The following GRIK4 variants were observed in gnomAD, a reference collection of about 807,000 sequenced individuals.
GRIK4 encodes the protein glutamate ionotropic receptor kainate type subunit 4.
In GRIK4, 40 loss-of-function variants were observed where a neutral mutation model predicts 104.9. The observed-to-expected ratio is 0.38, with a 90% CI of 0.30 to 0.50. The LOEUF (loss-of-function observed/expected upper bound fraction) is 0.50. Ranked by LOEUF, GRIK4 falls within the 20% of genes least tolerant of loss-of-function variation. GRIK4 has a pLI of 0.93. For synonymous variants in GRIK4, 485 were observed against 524.9 expected (o/e 0.92, Z 1.04); for missense variants, 1,047 against 1,308.1 (o/e 0.80, Z 3.08).
intron 6 of GRIK4, among the ~76,000 whole-genome samples, chr11:120,822,525 C>T (rs1477011897): frequency 6.6e-6 from 1 of 152,178 alleles, no homozygotes; most frequent in Non-Finnish European, 1.5e-5. Context: ...TAGCCACAAG[C>T]CACGTATGGC....
intron 13 of GRIK4, among the ~76,000 whole-genome samples, chr11:120,910,062 C>T (rs373452134): frequency 6.6e-6 from 1 of 152,152 alleles, no homozygotes; most frequent in African/African-American, 2.4e-5. Flanking sequence ...TGAGTCAGGC[C>T]TCTGGTGCCT....
At chr11:120,563,742 T>G (rs1316752239) in intron 1 of GRIK4, among the ~76,000 whole-genome samples, 1 of 152,134 alleles carries the variant, frequency 6.6e-6, no homozygotes, top group East Asian at 1.9e-4. Flanking sequence ...TGGCTCTGAA[T>G]TCCCCTCCAC....
intron 1 of GRIK4, among the ~76,000 whole-genome samples, chr11:120,557,882 G>A (rs1591692954): frequency 6.6e-6 from 1 of 152,246 alleles, no homozygotes; most frequent in South Asian, 2.1e-4. Flanking sequence ...GCTGGGCGCG[G>A]TGGCGGGCGC....
intron 3 of GRIK4, among the ~76,000 whole-genome samples, chr11:120,670,621 C>T (rs919909366): frequency 6.6e-6 from 1 of 152,246 alleles, no homozygotes; most frequent in Non-Finnish European, 1.5e-5. Flanking sequence ...TTTCTCATGC[C>T]ATGCAGGTCA....
intron 6 of GRIK4, among the ~76,000 whole-genome samples, chr11:120,825,857 C>G (rs1311901930): frequency 6.6e-6 from 1 of 152,210 alleles, no homozygotes; most frequent in African/African-American, 2.4e-5. Context: ...TGCAACTCTG[C>G]TTATGGCAGT....
intron 1 of GRIK4, among the ~76,000 whole-genome samples, chr11:120,627,464 T>A (rs1230930000): frequency 6.6e-6 from 1 of 152,194 alleles, no homozygotes; most frequent in Non-Finnish European, 1.5e-5. Flanking sequence ...TCTCTGCATG[T>A]GGCAGGTGGG....
rs1433969430 is a variant in GRIK4 at position 120,824,540 on chromosome 11, T to TTTTTTTTA, written c.511+4627_511+4628insATTTTTTT. Among the ~76,000 whole-genome samples the TTTTTTTTA allele has an allele frequency of 2.2e-3, 327 of 150,658 alleles. 2 individuals carry two copies. Among genetic ancestry groups the TTTTTTTTA allele is most frequent in the Middle Eastern group, 3.5e-3 (1 of 284 alleles). On this transcript the variant is annotated intron_variant, in intron 6 of 20. Coordinates refer to ENST00000527524, the MANE Select transcript of GRIK4 (RefSeq NM_014619.5). Reference sequence around the variant, plus strand: ...TCAAATCTTATTTTTTTTCCTTCTTTTTTTTTTCTTTTCTTTTTTTTTTTT... The same window carrying TTTTTTTTA: ...TCAAATCTTATTTTTTTTCCTTCTTTTTTTTTTATTTTTTTCTTTTCTTTTTTTTTTTT...
At chr11:120,969,295 G>A (rs1944435335) in intron 19 of GRIK4, among the ~76,000 whole-genome samples, 1 of 152,182 alleles carries the variant, frequency 6.6e-6, no homozygotes, top group South Asian at 2.1e-4. Context: ...AGAAAAAAGT[G>A]TCAAGGCACT....
At chr11:120,806,348 G>T (rs897913263) in intron 4 of GRIK4, among the ~76,000 whole-genome samples, 3 of 152,154 alleles carry the variant, frequency 2.0e-5, no homozygotes, top group African/African-American at 7.2e-5. Context: ...TTCTGGGCTT[G>T]ATGCATCTGA....
rs769381551 is a variant in GRIK4, at chr11:120,898,648, GCT to G, written c.1272+13_1272+14del. On this transcript the variant is annotated intron_variant, in intron 12 of 20. Coordinates refer to ENST00000527524, the MANE Select transcript of GRIK4 (RefSeq NM_014619.5). The stretch of plus-strand genomic sequence containing the variant: ...TCGTCACCACCATCCTGGTAAGTGG[GCT>G]CTCCTAGGCTCCCAGCTGCAGCATC... 6.8e-7 allele frequency: 1 copy of G among 1,460,956 alleles called. No individual in the cohort carries two copies. Among genetic ancestry groups the G allele is most frequent in the Non-Finnish European group, 9.6e-7 (1 of 1,040,074 alleles). The allele number at this position is 1,460,956 out of a possible 1,614,324, so 90.5% of individuals were successfully genotyped here.
At chr11:120,614,702 A>T (rs561665864) in intron 1 of GRIK4, among the ~76,000 whole-genome samples, 1 of 152,302 alleles carries the variant, frequency 6.6e-6, no homozygotes, top group East Asian at 1.9e-4. Context: ...GATCTGATTT[A>T]TTAAAACTGT....
chr11:120,731,862 CT>C (rs1234660367), intron 3 of GRIK4, among the ~76,000 whole-genome samples: 5 of 152,156 alleles, frequency 3.3e-5, no homozygotes, highest in African/African-American at 1.2e-4. Context: ...ATAGTAGCCA[CT>C]AATGATCCTT....
intron 1 of GRIK4, among the ~76,000 whole-genome samples, chr11:120,599,605 A>T (rs902779265): frequency 1.3e-5 from 2 of 152,178 alleles, no homozygotes; most frequent in Admixed American, 6.5e-5. Flanking sequence ...TCAGCCCCCT[A>T]GCCTCCCTCT....
intron 3 of GRIK4, among the ~76,000 whole-genome samples, chr11:120,709,267 C>G (rs2135349536): frequency 6.6e-6 from 1 of 151,984 alleles, no homozygotes; most frequent in African/African-American, 2.4e-5. Flanking sequence ...AATGCTCATT[C>G]TAGATCTAGT....
intron 1 of GRIK4, among the ~76,000 whole-genome samples, chr11:120,640,335 A>G (rs1029775204): frequency 6.6e-6 from 1 of 152,178 alleles, no homozygotes; most frequent in Non-Finnish European, 1.5e-5. Flanking sequence ...GTGTCAATGG[A>G]CAGAAAATTC....
At chr11:120,683,503 T>A (rs146406555) in intron 3 of GRIK4, among the ~76,000 whole-genome samples, 151 of 152,216 alleles carry the variant, frequency 9.9e-4, no homozygotes, top group African/African-American at 3.2e-3. Context: ...CATAAGATAT[T>A]AGAAGAAGAG....
intron 3 of GRIK4, among the ~76,000 whole-genome samples, chr11:120,777,691 C>CT (rs1168479769): frequency 6.6e-6 from 1 of 152,206 alleles, no homozygotes; most frequent in African/African-American, 2.4e-5. Context: ...AATCCCAGCA[C>CT]TTTGGGAGGC....
At chr11:120,670,077 TG>T (rs1949988999) in intron 3 of GRIK4, among the ~76,000 whole-genome samples, 1 of 152,242 alleles carries the variant, frequency 6.6e-6, no homozygotes, top group Admixed American at 6.5e-5. Context: ...GAGTCATCCT[TG>T]GTCTCATCTT....
chr11:120,713,386 GC>G (rs1379821539), intron 3 of GRIK4, among the ~76,000 whole-genome samples: 1 of 152,250 alleles, frequency 6.6e-6, no homozygotes, highest in East Asian at 1.9e-4. Context: ...CACCTGAAAA[GC>G]CCCCCGAACC....
Sources: gnomAD v4.1 joint callset for allele counts (sites outside exome capture counted in the v4.1 genomes callset) on GRCh38, gnomAD v4.1.1 for gene constraint, MANE v1.5 for transcripts, NCBI Gene and HGNC (gene_info 2026-07-23, HGNC 2026-07-21) for gene names.